Variants in TBC1D19 observed in about 807,000 individuals in gnomAD.
The protein encoded by TBC1D19 is TBC1 domain family, member 19.
A neutral mutation model predicts 89.0 loss-of-function variants in TBC1D19; 60 were observed. The observed-to-expected ratio is 0.67, with a 90% CI of 0.55 to 0.84. The LOEUF (loss-of-function observed/expected upper bound fraction) is 0.84. Ranked by LOEUF, TBC1D19 falls within the 40% of genes least tolerant of loss-of-function variation. The pLI is 0.00. For missense variants in TBC1D19, 500 were observed against 610.8 expected (o/e 0.82, Z 1.91); for synonymous variants, 189 against 199.7 (o/e 0.95, Z 0.45).
chr4:26,608,116 T>A (rs1741123347), intron 1 of TBC1D19, among the ~76,000 whole-genome samples: 1 of 152,228 alleles, frequency 6.6e-6, no homozygotes, highest in African/African-American at 2.4e-5. Context: ...TTTTTGCATT[T>A]GTGATAAATT....
chr4:26,675,174 C>A (rs371762030), intron 11 of TBC1D19, among the ~76,000 whole-genome samples: 6 of 152,012 alleles, frequency 3.9e-5, no homozygotes, highest in Non-Finnish European at 8.8e-5. Context: ...TTGTCCTGAT[C>A]TAACTTTGTA....
the TBC1D19 span, among the ~76,000 whole-genome samples, chr4:26,777,434 CTGTT>C: frequency 6.6e-6 from 1 of 151,894 alleles, no homozygotes. Context: ...CGCACTCTGC[CTGTT>C]TGTTTGGTTT....
At chr4:26,756,714 T>C (rs74483826), downstream of TBC1D19, among the ~76,000 whole-genome samples, 698 of 152,366 alleles carry the variant, frequency 4.6e-3, 11 homozygotes, top group African/African-American at 0.016. Flanking sequence ...TTAGTTTGTA[T>C]GTGACATTTT....
rs546187077 is a variant in TBC1D19, at chr4:26,588,226, C to T, written c.99+3934C>T. On this transcript the variant is annotated intron_variant, in intron 1 of 20. Transcript: ENST00000264866. ...ATTTTTAGTAGAGACAGGATTTCAC[C>T]GTGTTAGCCAGGATGGTCTCGATCT... Among the ~76,000 whole-genome samples, 177 of 152,022 alleles carry T rather than the reference C, an allele frequency of 1.2e-3. 1 individual carries two copies. Among genetic ancestry groups the T allele is most frequent in the South Asian group, 4.8e-3 (23 of 4,818 alleles).
At chr4:26,626,449 A>G (rs753874539) in intron 4 of TBC1D19, among the ~76,000 whole-genome samples, 1 of 152,166 alleles carries the variant, frequency 6.6e-6, no homozygotes, top group Non-Finnish European at 1.5e-5. Flanking sequence ...CTAGTGCTAT[A>G]CATGTACTCA....
intron 15 of TBC1D19, among the ~76,000 whole-genome samples, chr4:26,730,522 C>T (rs2109294186): frequency 1.3e-5 from 2 of 152,260 alleles, no homozygotes; most frequent in African/African-American, 4.8e-5. Flanking sequence ...AATAGAGGCC[C>T]ACCTACCATA....
intron 7 of TBC1D19, among the ~76,000 whole-genome samples, chr4:26,646,052 G>A (rs1363091977): frequency 7.3e-5 from 11 of 150,520 alleles, no homozygotes; most frequent in African/African-American, 2.7e-4. Context: ...GACCCCGGGA[G>A]GCGGAGCTTG....
the TBC1D19 span, among the ~76,000 whole-genome samples, chr4:26,852,249 G>A: frequency 2.6e-5 from 4 of 152,230 alleles, no homozygotes; most frequent in Non-Finnish European, 4.4e-5. Flanking sequence ...CGATGTATTC[G>A]GTTGGTCTAT....
chr4:26,718,731 A>G (rs573095038), intron 14 of TBC1D19, among the ~76,000 whole-genome samples: 1 of 152,136 alleles, frequency 6.6e-6, no homozygotes, highest in South Asian at 2.1e-4. Context: ...CCCTAACATA[A>G]GGTTTTCTTA....
intron 12 of TBC1D19, among the ~76,000 whole-genome samples, chr4:26,687,537 T>G (rs1001660774): frequency 1.2e-4 from 18 of 152,170 alleles, no homozygotes; most frequent in African/African-American, 4.3e-4. Context: ...TTTGTTCATT[T>G]GTTTGCTTGT....
chr4:26,622,131 T>C (rs1742092234), intron 4 of TBC1D19, among the ~76,000 whole-genome samples: 1 of 151,984 alleles, frequency 6.6e-6, no homozygotes, highest in Non-Finnish European at 1.5e-5. Context: ...CATTAGGAGA[T>C]ATACCTGATG....
chr4:26,673,976 T>G, intron 11 of TBC1D19, 88 bp downstream of exon 11: 1 of 722,652 alleles, frequency 1.4e-6, no homozygotes, highest in South Asian at 2.3e-5. Context: ...AAAACTTTTG[T>G]TTCTTAATCT....
intron 13 of TBC1D19, among the ~76,000 whole-genome samples, chr4:26,701,853 T>A (rs950188195): frequency 2.0e-5 from 3 of 152,202 alleles, no homozygotes; most frequent in Non-Finnish European, 4.4e-5. Flanking sequence ...ATGAAACTGT[T>A]GTGACACCAA....
intron 17 of TBC1D19, chr4:26,741,049 A>G: frequency 1.2e-6 from 1 of 811,122 alleles, no homozygotes; most frequent in Non-Finnish European, 1.5e-6. Context: ...AATATGACCA[A>G]TAATTAAGAT....
At chr4:26,636,985 A>T (rs1743176009) in intron 4 of TBC1D19, among the ~76,000 whole-genome samples, 1 of 152,160 alleles carries the variant, frequency 6.6e-6, no homozygotes, top group African/African-American at 2.4e-5. Flanking sequence ...AATATCAGTT[A>T]TTTGAGGACT....
At chr4:26,850,120 G>A in the TBC1D19 span, among the ~76,000 whole-genome samples, 3 of 151,970 alleles carry the variant, frequency 2.0e-5, no homozygotes, top group African/African-American at 7.3e-5. Flanking sequence ...TTCATATGTT[G>A]AAGTCCCAAT....
chr4:26,733,833 G>C (rs962206867), intron 15 of TBC1D19, among the ~76,000 whole-genome samples: 1 of 152,182 alleles, frequency 6.6e-6, no homozygotes, highest in African/African-American at 2.4e-5. Flanking sequence ...AACTGTCCAA[G>C]AACACTGTCT....
At chr4:26,858,075 C>G in the TBC1D19 span, 1 of 152,270 alleles carries the variant, frequency 6.6e-6, no homozygotes, top group Admixed American at 6.5e-5. Flanking sequence ...TCTCCCGCCG[C>G]CGCTAACAAC....
the TBC1D19 span, among the ~76,000 whole-genome samples, chr4:26,761,341 A>AT: frequency 8.5e-5 from 13 of 152,200 alleles, no homozygotes; most frequent in Non-Finnish European, 1.8e-4. Context: ...TAAACATGGC[A>AT]TATCTCTCCA....
Sources: gnomAD v4.1 joint callset for allele counts (sites outside exome capture counted in the v4.1 genomes callset) on GRCh38, gnomAD v4.1.1 for gene constraint, MANE v1.5 for transcripts, NCBI Gene and HGNC (gene_info 2026-07-23, HGNC 2026-07-21) for gene names.